ASTN2: variants seen among roughly 807,000 people sequenced by gnomAD.
ASTN2 encodes the protein astrotactin-2.
A neutral mutation model predicts 139.8 loss-of-function variants in ASTN2; 54 were observed. The observed-to-expected ratio is 0.39, with a 90% confidence interval of 0.31 to 0.48. The LOEUF (loss-of-function observed/expected upper bound fraction) is 0.48, where lower values mean the gene tolerates loss of function less well. ASTN2 is among the 20% of genes least tolerant of loss of function. The pLI is 0.95. For missense variants in ASTN2, 1,565 were observed against 1,725.1 expected (o/e 0.91, Z 1.64); for synonymous variants, 756 against 719.5 (o/e 1.05, Z -0.81).
At chr9:117,176,318 T>C (rs549592264) in intron 3 of ASTN2, among the ~76,000 whole-genome samples, 3 of 152,180 alleles carry the variant, frequency 2.0e-5, no homozygotes, top group African/African-American at 7.2e-5. Flanking sequence ...ATACCATATA[T>C]AAAGTAAAAG....
chr9:116,675,306 G>C (rs994447616), intron 16 of ASTN2, among the ~76,000 whole-genome samples: 1 of 152,152 alleles, frequency 6.6e-6, no homozygotes, highest in Non-Finnish European at 1.5e-5. Flanking sequence ...TAGGGTGTTT[G>C]GATTGGTGAC....
chr9:116,596,943 A>G (rs2131744086), intron 19 of ASTN2, among the ~76,000 whole-genome samples: 1 of 152,256 alleles, frequency 6.6e-6, no homozygotes, highest in Non-Finnish European at 1.5e-5. Context: ...GTGTCTAACA[A>G]TGAGAAAGTA....
intron 6 of ASTN2, among the ~76,000 whole-genome samples, chr9:117,009,493 T>C (rs1837451009): frequency 6.6e-6 from 1 of 151,882 alleles, no homozygotes; most frequent in Non-Finnish European, 1.5e-5. Flanking sequence ...TGTATAGCAA[T>C]AAAACAAAAC....
chr9:116,531,126 T>C (rs759744265), intron 19 of ASTN2, among the ~76,000 whole-genome samples: 10 of 152,194 alleles, frequency 6.6e-5, no homozygotes, highest in Non-Finnish European at 1.0e-4. Flanking sequence ...GTTAGGGGCA[T>C]AGTCTGTGTT....
intron 3 of ASTN2, chr9:117,181,199 A>C (rs1362153275): frequency 3.1e-6 from 2 of 642,420 alleles, no homozygotes; most frequent in Non-Finnish European, 5.6e-6. Context: ...AATTGGCTGC[A>C]GATGATCTGG....
chr9:117,122,015 G>A (rs576941079), intron 4 of ASTN2, among the ~76,000 whole-genome samples: 1 of 152,138 alleles, frequency 6.6e-6, no homozygotes, highest in African/African-American at 2.4e-5. Context: ...ATTTGGGTGG[G>A]AATATAGAGT....
At chr9:117,058,406 C>T (rs542883399) in intron 5 of ASTN2, among the ~76,000 whole-genome samples, 21 of 152,106 alleles carry the variant, frequency 1.4e-4, no homozygotes, top group Middle Eastern at 3.4e-3. Context: ...TTACTCTGCC[C>T]TGAGCCCTGG....
intron 1 of ASTN2, among the ~76,000 whole-genome samples, chr9:117,392,475 G>A (rs917869886): frequency 1.3e-4 from 20 of 152,040 alleles, no homozygotes; most frequent in African/African-American, 4.3e-4. Context: ...GTTTTGTACT[G>A]TTTGTTTGTT....
rs571982288 is a variant in ASTN2, at chr9:116,661,557, GA to G, written c.2807-9765del. ...CTGATGGGACGTATTGGCTGGGAAGGAAAAAACAGAGATGGAGAAGGAGACG... is the reference window on the plus strand; with the variant it reads ...CTGATGGGACGTATTGGCTGGGAAGGAAAAACAGAGATGGAGAAGGAGACG... On this transcript the variant is annotated intron_variant, in intron 16 of 22. Coordinates refer to ENST00000313400, the MANE Select transcript of ASTN2 (RefSeq NM_001365068.1). Among the ~76,000 whole-genome samples, 19 of 152,110 alleles carry G rather than the reference GA, an allele frequency of 1.2e-4. No homozygotes were observed. In the East Asian group the frequency reaches 3.3e-3, roughly 26 times the overall value.
intron 16 of ASTN2, among the ~76,000 whole-genome samples, chr9:116,718,976 A>AGTGTGTG (rs1564230202): frequency 1.0e-5 from 1 of 96,326 alleles, no homozygotes; most frequent in African/African-American, 5.0e-5. Flanking sequence ...GTATCTGTAC[A>AGTGTGTG]TATATATATA....
At chr9:117,016,598 A>T (rs111864584) in intron 6 of ASTN2, among the ~76,000 whole-genome samples, 1 of 13,788 alleles carries the variant, frequency 7.3e-5, no homozygotes, top group Non-Finnish European at 1.6e-4. Context: ...GGTTTTATAT[A>T]TATATCTATA....
chr9:117,236,460 A>G (rs905053108), intron 2 of ASTN2, among the ~76,000 whole-genome samples: 1 of 151,998 alleles, frequency 6.6e-6, no homozygotes, highest in Non-Finnish European at 1.5e-5. Context: ...AAACTTGTTC[A>G]AAAAAAATGT....
chr9:116,648,412 G>A (rs938583400), intron 17 of ASTN2, among the ~76,000 whole-genome samples: 10 of 152,084 alleles, frequency 6.6e-5, no homozygotes, highest in Admixed American at 2.6e-4. Flanking sequence ...GATTACAGGC[G>A]TGAACCACTG....
chr9:116,954,691 T>G (rs916682868), intron 10 of ASTN2, among the ~76,000 whole-genome samples: 5 of 152,182 alleles, frequency 3.3e-5, no homozygotes, highest in Non-Finnish European at 7.3e-5. Context: ...TGGGCCAAAT[T>G]GGCTCATGGG....
intron 12 of ASTN2, among the ~76,000 whole-genome samples, chr9:116,813,480 G>A (rs1373851989): frequency 6.6e-6 from 1 of 152,134 alleles, no homozygotes; most frequent in East Asian, 1.9e-4. Context: ...CTTGACTTGG[G>A]TCTTCTTACT....
In ASTN2 at chr9:116,815,668, G is replaced by A. The variant is rs182189186; in HGVS notation, c.2207+4949C>T. Among the ~76,000 whole-genome samples the A allele has an allele frequency of 2.8e-3, 422 of 151,546 alleles. 2 individuals carry two copies. The highest frequency in any genetic ancestry group is 4.3e-3 in the Non-Finnish European group (290 of 67,846). On this transcript the variant is annotated intron_variant, in intron 12 of 22. Transcript: ENST00000313400. The stretch of plus-strand genomic sequence containing the variant: ...AAAATATAAAAAATTAGTCGGGCGC[G>A]GTGGTGGGCACCTGTAGTCCCAACT...
At chr9:116,652,863 C>G (rs12236506) in intron 16 of ASTN2, among the ~76,000 whole-genome samples, 13,555 of 152,162 alleles carry the variant, frequency 0.089, 622 homozygotes, top group East Asian at 0.15. Flanking sequence ...CTCTCTTGAT[C>G]TATAAACCAG....
chr9:117,262,409 A>ATTT (rs1244281307), intron 2 of ASTN2, among the ~76,000 whole-genome samples: 1 of 79,478 alleles, frequency 1.3e-5, no homozygotes, highest in Admixed American at 1.7e-4. Flanking sequence ...TTATTTATTT[A>ATTT]TTTATTTATT....
rs372957184 is a variant in ASTN2 at position 116,827,306 on chromosome 9, TCC to T, written c.2041-6525_2041-6524del. Reference sequence around the variant, plus strand: ...CCTGGGCAACAAGAGCAAAACTCCATCCCCCCCAAAAAAAAAAAAAAAAAAAA... The same window carrying T: ...CCTGGGCAACAAGAGCAAAACTCCATCCCCCAAAAAAAAAAAAAAAAAAAA... On this transcript the variant is annotated intron_variant, in intron 11 of 22. Transcript: ENST00000313400. Among the ~76,000 whole-genome samples the T allele has an allele frequency of 1.6e-3, 79 of 48,714 alleles. 1 individual carries two copies. The highest frequency in any genetic ancestry group is 7.3e-3 in the South Asian group (10 of 1,370). 32.0% of individuals were successfully genotyped at this position (48,714 alleles called of 152,430 possible). A position where few individuals can be genotyped will look rare whatever the true frequency, so the allele number is the denominator to read the frequency against.
Sources: gnomAD v4.1 joint callset for allele counts (sites outside exome capture counted in the v4.1 genomes callset) on GRCh38, gnomAD v4.1.1 for gene constraint, MANE v1.5 for transcripts, NCBI Gene and HGNC (gene_info 2026-07-23, HGNC 2026-07-21) for gene names.